Variants in ITGA11 observed in about 807,000 individuals in gnomAD.
ITGA11 encodes the protein integrin subunit alpha 11.
ITGA11 carries 97 observed loss-of-function variants against 141.9 expected under a neutral mutation model. The observed-to-expected ratio is 0.68, with a 90% CI of 0.58 to 0.81. The LOEUF (loss-of-function observed/expected upper bound fraction) is 0.81, where lower values mean the gene tolerates loss of function less well. ITGA11 is among the 30% of genes least tolerant of loss of function. The pLI, the probability that ITGA11 is intolerant of heterozygous loss-of-function variation, is 0.00. For synonymous variants in ITGA11, 658 were observed against 624.6 expected, an observed-to-expected ratio of 1.05 and a Z score of -0.80; for missense variants, 1,387 against 1,559.2, an observed-to-expected ratio of 0.89 and a Z score of 1.86.
chr15:68,350,722 A>G lies in ITGA11; in HGVS notation c.955T>C (p.Tyr319His). 1 of 1,613,908 alleles carries G rather than the reference A, an allele frequency of 6.2e-7. No homozygotes were observed. The highest frequency in any genetic ancestry group is 1.1e-5 in the South Asian group (1 of 91,076). ...TTGTCATCAGGGTCACTGGCGATGT[A>G]TTTGATTTCATTTAGAAAAGTTTCT... is the stretch of plus-strand genomic sequence containing the variant. Reference protein sequence around the residue: ...NPETFLNEIKYIASDPDDKHF... With the variant: ...NPETFLNEIKHIASDPDDKHF... The change falls in exon 9 of 30, where the codon TAC (tyrosine) becomes CAC (histidine). Residue 319 changes from tyrosine (Y) to histidine (H), a missense_variant. Tyr to His is a moderately conservative substitution (Grantham distance 83, BLOSUM62 2). Transcript: ENST00000315757.
intron 1 of ITGA11, among the ~76,000 whole-genome samples, chr15:68,415,561 A>G (rs1007897256): frequency 6.6e-6 from 1 of 152,178 alleles, no homozygotes; most frequent in African/African-American, 2.4e-5. Context: ...TCCCCAGTCC[A>G]CACCCACTGC....
At chr15:68,391,841 C>A (rs1020234036) in intron 2 of ITGA11, among the ~76,000 whole-genome samples, 1 of 152,118 alleles carries the variant, frequency 6.6e-6, no homozygotes, top group Non-Finnish European at 1.5e-5. Flanking sequence ...AATATTTTGC[C>A]GAGTCTAGTA....
chr15:68,340,847 C>G (rs79850373), intron 10 of ITGA11: 1 of 152,474 alleles, frequency 6.6e-6, no homozygotes, highest in Admixed American at 6.5e-5. Context: ...GGAAAATGAC[C>G]AGGGACGATG....
chr15:68,387,331 G>T (rs1248899068), intron 2 of ITGA11, among the ~76,000 whole-genome samples: 1 of 152,156 alleles, frequency 6.6e-6, no homozygotes, highest in Admixed American at 6.5e-5. Context: ...TCTGCCTGCT[G>T]TAACCAGCTT....
At chr15:68,382,506 G>C (rs1302517667) in intron 2 of ITGA11, among the ~76,000 whole-genome samples, 3 of 152,212 alleles carry the variant, frequency 2.0e-5, no homozygotes, top group Non-Finnish European at 4.4e-5. Flanking sequence ...GCTTCCCCAA[G>C]ATTTACCTTG....
chr15:68,312,186 G>A (rs1010506343), intron 24 of ITGA11, among the ~76,000 whole-genome samples: 3 of 152,238 alleles, frequency 2.0e-5, no homozygotes, highest in Non-Finnish European at 2.9e-5. Context: ...TGGCAGAACC[G>A]AGACAAAAGG....
intron 2 of ITGA11, among the ~76,000 whole-genome samples, chr15:68,396,277 A>T (rs1321596412): frequency 6.6e-6 from 1 of 151,992 alleles, no homozygotes; most frequent in African/African-American, 2.4e-5. Flanking sequence ...CAATCAATCA[A>T]TCAATGTAAT....
At chr15:68,367,550 C>T (rs115121596) in intron 3 of ITGA11, among the ~76,000 whole-genome samples, 1 of 152,178 alleles carries the variant, frequency 6.6e-6, no homozygotes, top group African/African-American at 2.4e-5. Flanking sequence ...TCCATCACCC[C>T]CTAGCCACTC....
At chr15:68,393,055 A>C (rs556839791) in intron 2 of ITGA11, among the ~76,000 whole-genome samples, 19 of 152,364 alleles carry the variant, frequency 1.2e-4, no homozygotes, top group African/African-American at 4.6e-4. Context: ...AAAAGAATCC[A>C]GTGGACATTC....
chr15:68,355,082 G>T (rs1172277766), intron 7 of ITGA11, among the ~76,000 whole-genome samples: 1 of 152,178 alleles, frequency 6.6e-6, no homozygotes, highest in African/African-American at 2.4e-5. Context: ...GTTGTAAAGT[G>T]AGGTCCAAAC....
intron 2 of ITGA11, among the ~76,000 whole-genome samples, chr15:68,388,430 C>T (rs1431179552): frequency 7.2e-5 from 11 of 152,096 alleles, no homozygotes; most frequent in African/African-American, 2.4e-4. Context: ...AAGTTGAGCC[C>T]TCAATTCAAC....
chr15:68,343,874 G>A (rs1446970988), intron 10 of ITGA11, among the ~76,000 whole-genome samples: 1 of 152,236 alleles, frequency 6.6e-6, no homozygotes, highest in Non-Finnish European at 1.5e-5. Context: ...TAAATGGGGT[G>A]TGGGCAGGAA....
At position 68,304,721 on chromosome 15, in the gene ITGA11, C is replaced by T. The variant is rs1294132734; in HGVS notation, c.3382-836G>A. Among the ~76,000 whole-genome samples, 2 of 152,248 alleles carry T rather than the reference C, an allele frequency of 1.3e-5. No homozygotes were observed. The highest frequency in any genetic ancestry group is 2.9e-5 in the Non-Finnish European group (2 of 68,044). On this transcript the variant is annotated intron_variant, in intron 28 of 29. Coordinates refer to ENST00000315757, the MANE Select transcript of ITGA11 (RefSeq NM_001004439.2). This position sits in a 1 kb window ranked among gnomAD's most constrained non-coding sequence, Gnocchi z 6.1. ...AACACCCCAGCCCCCGAAGCCTGCTCTTTCCAGCTCTTTCTCACCTAAGCA... is the reference window on the plus strand; with the variant it reads ...AACACCCCAGCCCCCGAAGCCTGCTTTTTCCAGCTCTTTCTCACCTAAGCA...
intron 1 of ITGA11, among the ~76,000 whole-genome samples, chr15:68,424,509 A>T (rs1188124693): frequency 6.6e-6 from 1 of 151,958 alleles, no homozygotes; most frequent in Non-Finnish European, 1.5e-5. Context: ...GAGAGTGATG[A>T]TGTGTTCTGG....
At chr15:68,402,826 C>A (rs73433952) in intron 2 of ITGA11, 92 bp downstream of exon 2, 20,189 of 817,054 alleles carry the variant, frequency 0.025, 369 homozygotes, top group African/African-American at 0.084. Flanking sequence ...CATGTGAGGG[C>A]CAGTGGGGCA....
At chr15:68,426,579 G>A (rs1239624031) in intron 1 of ITGA11, among the ~76,000 whole-genome samples, 1 of 152,194 alleles carries the variant, frequency 6.6e-6, no homozygotes, top group Non-Finnish European at 1.5e-5. Context: ...AGAAGCTGGT[G>A]CCCCTGTGGG....
At chr15:68,424,023 G>A (rs1261212795) in intron 1 of ITGA11, among the ~76,000 whole-genome samples, 1 of 152,332 alleles carries the variant, frequency 6.6e-6, no homozygotes, top group East Asian at 1.9e-4. Flanking sequence ...GCATCTGTCT[G>A]TGGACAGCTC....
At position 68,364,882 on chromosome 15, in the gene ITGA11, G is replaced by A. The variant is rs957943209; in HGVS notation, c.266-84C>T. 2.6e-5 allele frequency: 34 copies of A among 1,312,974 alleles called. No homozygotes were observed. In the African/African-American group the frequency reaches 4.8e-4, roughly 18 times the overall value. The allele number at this position is 1,312,974 out of a possible 1,614,324, so 81.3% of individuals were successfully genotyped here. On this transcript the variant is annotated intron_variant, in intron 3 of 29. Coordinates refer to ENST00000315757, the MANE Select transcript of ITGA11 (RefSeq NM_001004439.2). ...CCTGCTGCTGGTCTGGTCACCCGAG[G>A]TGCCTCCCCGATTCTCCCTGACCCT...
chr15:68,329,320 T>TA (rs1311119027), intron 15 of ITGA11, among the ~76,000 whole-genome samples: 5 of 152,130 alleles, frequency 3.3e-5, no homozygotes, highest in East Asian at 1.9e-4. Context: ...TTGGGGAGTT[T>TA]AAAAAAAATT....
Sources: gnomAD v4.1 joint callset for allele counts (sites outside exome capture counted in the v4.1 genomes callset) on GRCh38, gnomAD v4.1.1 for gene constraint, Gnocchi (gnomAD v3.1) non-coding constraint, MANE v1.5 for transcripts, NCBI Gene and HGNC (gene_info 2026-07-23, HGNC 2026-07-21) for gene names.